COL4A4: variants seen among roughly 807,000 people sequenced by gnomAD.
The protein encoded by COL4A4 is collagen alpha-4(IV) chain.
COL4A4 carries 105 observed loss-of-function variants against 192.9 expected under a neutral mutation model. That is an observed-to-expected ratio of 0.54 (90% CI 0.46 to 0.64). COL4A4 has a LOEUF of 0.64. Among genes scored for constraint, COL4A4 ranks in the 30% least tolerant of loss-of-function variants. The pLI is 0.00. For missense variants in COL4A4, 1,967 were observed against 2,169.3 expected (o/e 0.91, Z 1.85); for synonymous variants, 762 against 769.9 (o/e 0.99, Z 0.17).
chr2:226,987,573 G>A, the COL4A4 span, among the ~76,000 whole-genome samples: 1 of 152,220 alleles, frequency 6.6e-6, no homozygotes, highest in Non-Finnish European at 1.5e-5. Context: ...CCTGACGCCT[G>A]TGTCTCACTG....
rs780205287 is a variant in COL4A4, at chr2:227,118,657, T to C, written c.477A>G (p.Pro159=). ...GTGGGTATCTTACTAGGGGGCCTCC[T>C]GGGCCAAGAGCTCCTCTTCCTCCTG... The part of the protein sequence containing the change: ...GFPGGRGALG[P]GGPLGHPGEK... Residue 159 remains proline, a synonymous_variant, in exon 7 of 48, where the codon CCA becomes CCG. Coordinates refer to ENST00000396625, the MANE Select transcript of COL4A4 (RefSeq NM_000092.5). 2 of 1,613,570 alleles carry C rather than the reference T, an allele frequency of 1.2e-6. No individual in the cohort carries two copies. Among genetic ancestry groups the C allele is most frequent in the East Asian group, 2.2e-5 (1 of 44,886 alleles).
At chr2:227,023,497 CT>C (rs1172117049) in intron 43 of COL4A4, among the ~76,000 whole-genome samples, 2 of 150,118 alleles carry the variant, frequency 1.3e-5, no homozygotes, top group Non-Finnish European at 3.0e-5. Context: ...AGATTTTTTT[CT>C]TTTACTTTCA....
chr2:227,068,238 C>T (rs1178944098), intron 25 of COL4A4, among the ~76,000 whole-genome samples: 4 of 152,018 alleles, frequency 2.6e-5, no homozygotes, highest in African/African-American at 4.8e-5. Flanking sequence ...AGCTTACCAA[C>T]TAAAAAGGGT....
Position 227,013,965 on chromosome 2 carries a change from C to T in COL4A4, c.4217-1668G>A, listed in dbSNP as rs146670419. ...AACCCTCTACCCTTAAAGCAGCAAC[C>T]CTGTCATGAAAAGGATGCATGGAGG... On this transcript the variant is annotated intron_variant, in intron 44 of 47. Coordinates refer to ENST00000396625, the MANE Select transcript of COL4A4 (RefSeq NM_000092.5). Among the ~76,000 whole-genome samples, 79 of 152,230 alleles carry T rather than the reference C, an allele frequency of 5.2e-4. 1 individual carries two copies. Among genetic ancestry groups the T allele is most frequent in the Non-Finnish European group, 7.8e-4 (53 of 68,018 alleles).
At chr2:227,082,269 C>T in intron 22 of COL4A4, 82 bp from the exon 23 acceptor site, 1 of 1,190,220 alleles carries the variant, frequency 8.4e-7, no homozygotes. Flanking sequence ...TCTCTCTCTT[C>T]TTCCCTCCTA....
intron 22 of COL4A4, among the ~76,000 whole-genome samples, chr2:227,082,723 G>A (rs1408535132): frequency 6.6e-6 from 1 of 152,194 alleles, no homozygotes; most frequent in Admixed American, 6.5e-5. Flanking sequence ...AAAAGGCATG[G>A]AAGTGACGTC....
the COL4A4 span, among the ~76,000 whole-genome samples, chr2:226,986,138 C>T: frequency 6.6e-6 from 1 of 152,338 alleles, no homozygotes; most frequent in Middle Eastern, 3.4e-3. Context: ...GAATGAAATT[C>T]TTCACGATAT....
chr2:227,008,233 G>T lies in COL4A4; in HGVS notation c.4594C>A (p.His1532Asn), dbSNP rs1962633158. ...GATCTGTCGTTTCTCTGGGCATAGT[G>T]GCACACCTGGTGGATGTTGCAGTAG... ...FAYCNIHQVCHYAQRNDRSYW... is the reference protein window; with the variant it reads ...FAYCNIHQVCNYAQRNDRSYW... Residue 1532 changes from histidine (H) to asparagine (N), a missense_variant, in exon 47 of 48, where the codon CAC (histidine) becomes AAC (asparagine). Coordinates refer to ENST00000396625, the MANE Select transcript of COL4A4 (RefSeq NM_000092.5). The T allele has an allele frequency of 1.2e-6, 2 of 1,614,234 alleles. No homozygotes were observed. The highest frequency in any genetic ancestry group is 1.7e-6 in the Non-Finnish European group (2 of 1,180,042).
chr2:227,004,188 C>T lies in COL4A4; in HGVS notation c.*3137G>A, dbSNP rs983082158. On this transcript the variant is annotated 3_prime_UTR_variant, in exon 48 of 48. Coordinates refer to ENST00000396625, the MANE Select transcript of COL4A4 (RefSeq NM_000092.5). The stretch of plus-strand genomic sequence containing the variant: ...ATGGAATGAAGGAAGTGCACTGAGA[C>T]ATTAAAGAAGCAATGGGGAACGGAG... 6.6e-6 allele frequency: 1 copy of T among 152,278 alleles called. No homozygotes were observed. 9.4% of individuals were successfully genotyped at this position (152,278 alleles called of 1,614,324 possible). A position where few individuals can be genotyped will look rare whatever the true frequency, so the allele number is the denominator to read the frequency against.
chr2:227,153,987 C>T (rs1338372291), intron 1 of COL4A4, among the ~76,000 whole-genome samples: 3 of 152,118 alleles, frequency 2.0e-5, no homozygotes, highest in Non-Finnish European at 4.4e-5. Context: ...GTCCAAAGCT[C>T]CACCACCACA....
the COL4A4 span, chr2:226,988,625 C>T: frequency 5.2e-6 from 7 of 1,344,082 alleles, no homozygotes; most frequent in Admixed American, 1.8e-4. Flanking sequence ...CGAGCAGACA[C>T]ATTGGCCCTG....
At chr2:227,048,620 G>T (rs1436660734) in intron 34 of COL4A4, among the ~76,000 whole-genome samples, 1 of 152,160 alleles carries the variant, frequency 6.6e-6, no homozygotes, top group African/African-American at 2.4e-5. Flanking sequence ...GGTTCCTTTA[G>T]CTTTGGCAGA....
At chr2:227,028,078 A>G (rs1967370950) in intron 41 of COL4A4, 69 bp from the exon 42 acceptor site, 1 of 1,084,054 alleles carries the variant, frequency 9.2e-7, no homozygotes, top group Non-Finnish European at 1.4e-6. Context: ...TGACAGTTTG[A>G]TAGACTGAAT....
intron 43 of COL4A4, chr2:227,022,455 T>G: frequency 1.6e-6 from 1 of 644,008 alleles, no homozygotes; most frequent in Non-Finnish European, 3.0e-6. Context: ...TATGAAACAG[T>G]GAAGGTCGGA....
intron 35 of COL4A4, among the ~76,000 whole-genome samples, chr2:227,046,287 C>T (rs1399037044): frequency 3.3e-5 from 5 of 150,472 alleles, no homozygotes; most frequent in African/African-American, 1.0e-4. Flanking sequence ...AATATTCTTT[C>T]TGTTGTATGA....
chr2:227,056,247 T>C (rs1975322119), intron 29 of COL4A4, 132 bp from the exon 30 acceptor site: 2 of 766,872 alleles, frequency 2.6e-6, no homozygotes, highest in Admixed American at 2.0e-5. Context: ...AAAATAACAG[T>C]AGCAACTTTC....
chr2:227,033,325 G>A, intron 38 of COL4A4, 85 bp downstream of exon 38: 2 of 1,148,938 alleles, frequency 1.7e-6, no homozygotes, highest in Non-Finnish European at 1.3e-6. Flanking sequence ...ATCTCATGAA[G>A]TGCAGAAATA....
intron 35 of COL4A4, among the ~76,000 whole-genome samples, chr2:227,047,057 G>C (rs1184071425): frequency 6.6e-6 from 1 of 152,050 alleles, no homozygotes; most frequent in Non-Finnish European, 1.5e-5. Context: ...TTTCTCAGTA[G>C]AAAGAAAGAG....
chr2:227,145,971 T>C (rs928185989), intron 2 of COL4A4, among the ~76,000 whole-genome samples: 3 of 152,268 alleles, frequency 2.0e-5, no homozygotes, highest in African/African-American at 7.2e-5. Flanking sequence ...GTTGAATGTG[T>C]ATTTACAACT....
Sources: gnomAD v4.1 joint callset for allele counts (sites outside exome capture counted in the v4.1 genomes callset) on GRCh38, gnomAD v4.1.1 for gene constraint, MANE v1.5 for transcripts, NCBI Gene and HGNC (gene_info 2026-07-23, HGNC 2026-07-21) for gene names.